SNX29: variants seen among roughly 807,000 people sequenced by gnomAD.
SNX29 encodes the protein sorting nexin-29.
A neutral mutation model predicts 102.1 loss-of-function variants in SNX29; 78 were observed. The ratio of observed to expected loss-of-function variants is 0.76; its 90% CI spans 0.64 to 0.92. The LOEUF is 0.92. SNX29 is among the 40% of genes least tolerant of loss of function. The probability of loss-of-function intolerance (pLI) is 0.00; values close to 1 mark genes in which losing one functional copy is unlikely to be tolerated. For missense variants in SNX29, 1,280 were observed against 1,061.7 expected (o/e 1.21, Z -2.86); for synonymous variants, 580 against 414.5 (o/e 1.40, Z -4.85).
intron 15 of SNX29, among the ~76,000 whole-genome samples, chr16:12,286,395 G>C (rs2079598834): frequency 6.7e-6 from 1 of 150,134 alleles, no homozygotes; most frequent in South Asian, 2.1e-4. Context: ...GCCCAGGCTG[G>C]AGTGCAGTGG....
At chr16:12,509,296 A>C (rs1008238315) in intron 19 of SNX29, among the ~76,000 whole-genome samples, 5 of 152,208 alleles carry the variant, frequency 3.3e-5, no homozygotes, top group African/African-American at 1.2e-4. Context: ...GGCACCAGGC[A>C]TGCCATCTGT....
Position 12,460,657 on chromosome 16 carries a change from C to CTT in SNX29, c.2038-17045_2038-17044dup, listed in dbSNP as rs56823217. Among the ~76,000 whole-genome samples the CTT allele has an allele frequency of 4.6e-4, 61 of 133,674 alleles. 1 individual carries two copies. The highest frequency in any genetic ancestry group is 1.0e-3 in the African/African-American group (36 of 34,384). 87.7% of individuals were successfully genotyped at this position (133,674 alleles called of 152,430 possible). A position where few individuals can be genotyped will look rare whatever the true frequency, so the allele number is the denominator to read the frequency against. The stretch of plus-strand genomic sequence containing the variant: ...TGGCTGCCTCACAAATGTGTGAACT[C>CTT]TTTTTTTTTTTTTTTTTTGAGACAG... On this transcript the variant is annotated intron_variant, in intron 18 of 20. Coordinates refer to ENST00000566228, the MANE Select transcript of SNX29 (RefSeq NM_032167.5).
intron 13 of SNX29, among the ~76,000 whole-genome samples, chr16:12,148,797 A>C (rs553206753): frequency 1.9e-4 from 29 of 152,272 alleles, no homozygotes; most frequent in Admixed American, 4.6e-4. Context: ...TCCCGGGTTC[A>C]AGTGATTCTG....
At chr16:12,156,811 C>T (rs916583742) in intron 13 of SNX29, among the ~76,000 whole-genome samples, 1 of 152,234 alleles carries the variant, frequency 6.6e-6, no homozygotes, top group South Asian at 2.1e-4. Flanking sequence ...GAGCCCAGGG[C>T]ATGGTCCCTC....
chr16:12,060,537 A>G (rs2050729126), intron 8 of SNX29, among the ~76,000 whole-genome samples: 1 of 152,222 alleles, frequency 6.6e-6, no homozygotes, highest in African/African-American at 2.4e-5. Context: ...CAAGAGCTCA[A>G]GGTTGCAGTG....
chr16:12,560,031 A>T (rs1044729066), intron 20 of SNX29, among the ~76,000 whole-genome samples: 41 of 152,174 alleles, frequency 2.7e-4, no homozygotes, highest in African/African-American at 8.7e-4. Context: ...ACTTAGTATG[A>T]CAAATACACA....
chr16:12,118,757 T>A (rs544901911), intron 11 of SNX29, among the ~76,000 whole-genome samples: 1 of 152,266 alleles, frequency 6.6e-6, no homozygotes, highest in African/African-American at 2.4e-5. Flanking sequence ...TTTCTAGCCT[T>A]CTGTGAGTGG....
At chr16:12,245,977 T>C (rs1169188778) in intron 14 of SNX29, among the ~76,000 whole-genome samples, 1 of 152,162 alleles carries the variant, frequency 6.6e-6, no homozygotes. Flanking sequence ...TAACAATGCT[T>C]AATGAGTAGG....
chr16:12,515,513 C>T lies in SNX29; in HGVS notation c.2179-9189C>T, dbSNP rs74009114. On this transcript the variant is annotated intron_variant, in intron 19 of 20. Coordinates refer to ENST00000566228, the MANE Select transcript of SNX29 (RefSeq NM_032167.5). ...CGCTTCTCCTTGCCTCCCCAGCCGC[C>T]ACCATCTCCTGCCTGGATGACTGCA... The T allele has an allele frequency of 1.3e-3, 628 of 489,440 alleles. 1 individual carries two copies. The highest frequency in any genetic ancestry group is 0.011 in the African/African-American group (581 of 51,324). The allele number at this position is 489,440 out of a possible 1,614,324, so 30.3% of individuals were successfully genotyped here.
intron 3 of SNX29, among the ~76,000 whole-genome samples, chr16:12,025,400 G>C (rs1347934122): frequency 2.0e-5 from 3 of 151,546 alleles, no homozygotes; most frequent in African/African-American, 7.3e-5. Context: ...AAAGAGGTTT[G>C]TTTCAATGTG....
chr16:12,231,271 A>G (rs1704137), intron 14 of SNX29, among the ~76,000 whole-genome samples: 64,791 of 152,108 alleles, frequency 0.43, 16,250 homozygotes, highest in Non-Finnish European at 0.57. Flanking sequence ...CCACCATACC[A>G]TCCAGCTCAC....
chr16:12,437,098 A>G (rs2085572536), intron 18 of SNX29, among the ~76,000 whole-genome samples: 1 of 152,276 alleles, frequency 6.6e-6, no homozygotes, highest in African/African-American at 2.4e-5. Flanking sequence ...TGAGAGACAG[A>G]GAAAGCAACA....
At chr16:12,121,745 G>C (rs374449170) in intron 11 of SNX29, among the ~76,000 whole-genome samples, 3 of 152,206 alleles carry the variant, frequency 2.0e-5, no homozygotes, top group South Asian at 2.1e-4. Flanking sequence ...CCTCCAGCCA[G>C]GGGTCCTGGG....
intron 13 of SNX29, among the ~76,000 whole-genome samples, chr16:12,193,128 C>A (rs2076685303): frequency 6.6e-6 from 1 of 152,204 alleles, no homozygotes; most frequent in African/African-American, 2.4e-5. Flanking sequence ...TGCCACTGCG[C>A]CCAAAACATT....
At chr16:12,229,186 C>T (rs553239703) in intron 14 of SNX29, among the ~76,000 whole-genome samples, 4 of 152,328 alleles carry the variant, frequency 2.6e-5, no homozygotes, top group African/African-American at 7.2e-5. Flanking sequence ...AACTTGTTTT[C>T]GGTTTCTCCA....
chr16:12,411,482 C>G (rs1443813310), intron 18 of SNX29, among the ~76,000 whole-genome samples: 1 of 152,242 alleles, frequency 6.6e-6, no homozygotes, highest in African/African-American at 2.4e-5. Flanking sequence ...AGGCAAAATG[C>G]TCTCCCCTTC....
At chr16:12,533,462 C>T (rs1028753867) in intron 20 of SNX29, among the ~76,000 whole-genome samples, 9 of 152,206 alleles carry the variant, frequency 5.9e-5, no homozygotes, top group Non-Finnish European at 1.2e-4. Context: ...CACCTCCCCA[C>T]CCCCATCCCC....
At chr16:12,052,452 A>G in intron 8 of SNX29, 1 of 442,636 alleles carries the variant, frequency 2.3e-6, no homozygotes, top group East Asian at 4.7e-5. Flanking sequence ...CCTGACCTCA[A>G]GTGATCTGCC....
chr16:12,451,904 C>G (rs918986179), intron 18 of SNX29, among the ~76,000 whole-genome samples: 1 of 152,168 alleles, frequency 6.6e-6, no homozygotes, highest in African/African-American at 2.4e-5. Context: ...CCAAACTGGC[C>G]TTACCGGATA....
Sources: allele counts gnomAD v4.1 joint callset (sites outside exome capture counted in the v4.1 genomes callset), GRCh38; gene constraint gnomAD v4.1.1; transcripts MANE v1.5; gene names NCBI Gene and HGNC (gene_info 2026-07-23, HGNC 2026-07-21).